The following MID1 variants were observed in gnomAD, a reference collection of about 807,000 sequenced individuals.
MID1 encodes the protein E3 ubiquitin-protein ligase Midline-1.
A neutral mutation model predicts 40.4 loss-of-function variants in MID1; 7 were observed. That is an observed-to-expected ratio of 0.17 (90% CI 0.10 to 0.33). The LOEUF (loss-of-function observed/expected upper bound fraction) is 0.33, where lower values mean the gene tolerates loss of function less well. Among genes scored for constraint, MID1 ranks in the 10% least tolerant of loss-of-function variants. MID1 has a pLI of 1.00. For synonymous variants in MID1, 229 were observed against 221.2 expected (o/e 1.04, Z -0.31); for missense variants, 367 against 558.5 (o/e 0.66, Z 3.46).
intron 3 of MID1, among the ~76,000 whole-genome samples, chrX:10,496,540 G>A (rs1288608258): frequency 2.7e-5 from 3 of 112,581 alleles, no homozygotes; most frequent in Non-Finnish European, 5.6e-5. Context: ...GGAGATAGCA[G>A]GCATGAGGTT....
intron 1 of MID1, among the ~76,000 whole-genome samples, chrX:10,669,255 A>T (rs1364186074): frequency 2.8e-5 from 3 of 105,265 alleles, no homozygotes; most frequent in African/African-American, 1.1e-4. Flanking sequence ...AAAAAAAAAA[A>T]AGAAATCTAG....
rs201973094 is a variant in MID1, at chrX:10,739,624, C to T, written c.-187+93930G>A. On this transcript the variant is annotated intron_variant, in intron 1 of 10. Coordinates refer to the MID1 transcript ENST00000380785. Reference sequence around the variant, plus strand: ...TATCTGGGCTTTGGAATGATTCAATCATCTCTTGGTGAAGTGCCAATGGGT... The same window carrying T: ...TATCTGGGCTTTGGAATGATTCAATTATCTCTTGGTGAAGTGCCAATGGGT... Among the ~76,000 whole-genome samples the T allele has an allele frequency of 7.1e-5, 8 of 111,973 alleles. No homozygotes were observed. In the East Asian group the frequency reaches 2.2e-3, roughly 31 times the overall value.
intron 1 of MID1, among the ~76,000 whole-genome samples, chrX:10,825,936 T>C (rs970239672): frequency 1.8e-5 from 2 of 111,723 alleles, no homozygotes; most frequent in African/African-American, 6.5e-5. Context: ...GTAGACCTCA[T>C]TTGATTGTTC....
chrX:10,489,106 T>C (rs745601339), intron 4 of MID1, among the ~76,000 whole-genome samples: 5 of 112,040 alleles, frequency 4.5e-5, no homozygotes, highest in African/African-American at 1.3e-4. Context: ...ATTAATGAGT[T>C]TTGAGAATTT....
At chrX:10,645,212 G>T (rs1004270708) in intron 1 of MID1, among the ~76,000 whole-genome samples, 4 of 111,817 alleles carry the variant, frequency 3.6e-5, no homozygotes, top group Non-Finnish European at 7.5e-5. Flanking sequence ...AGTGTTAAAA[G>T]AAAAACTTTA....
chrX:10,775,825 AT>A (rs1180838924), intron 1 of MID1, among the ~76,000 whole-genome samples: 1 of 111,574 alleles, frequency 9.0e-6, no homozygotes, highest in Non-Finnish European at 1.9e-5. Flanking sequence ...GGACAAAGGC[AT>A]TTCTTTTGCT....
Position 10,537,727 on chromosome X carries a change from C to T in MID1, c.661-14540G>A, listed in dbSNP as rs1933314093. Among the ~76,000 whole-genome samples, 3 of 112,226 alleles carry T rather than the reference C, an allele frequency of 2.7e-5. No homozygotes were observed. In the South Asian group the frequency reaches 1.1e-3, roughly 42 times the overall value. On this transcript the variant is annotated intron_variant, in intron 2 of 9. Transcript: ENST00000317552. The stretch of plus-strand genomic sequence containing the variant: ...TTCTATCCAAACAATTATAATAAAA[C>T]AGTGGCTTCATATGTACATATTCCA...
intron 1 of MID1, among the ~76,000 whole-genome samples, chrX:10,821,811 C>T (rs2147159660): frequency 9.0e-6 from 1 of 111,621 alleles, no homozygotes; most frequent in African/African-American, 3.3e-5. Context: ...TTCTTCCTTT[C>T]TCTCTCTTTC....
chrX:10,506,398 C>T, intron 3 of MID1: 2 of 1,047,222 alleles, frequency 1.9e-6, no homozygotes, highest in Middle Eastern at 2.5e-4. Context: ...ACTACGAAGC[C>T]AGTAAAGTGT....
At chrX:10,453,821 G>A (rs150355330) in intron 9 of MID1, among the ~76,000 whole-genome samples, 177 of 112,003 alleles carry the variant, frequency 1.6e-3, no homozygotes, top group African/African-American at 5.4e-3. Flanking sequence ...TACTGACTCT[G>A]CCACCTGTGA....
At chrX:10,781,228 T>C (rs1274607646) in intron 1 of MID1, among the ~76,000 whole-genome samples, 1 of 112,180 alleles carries the variant, frequency 8.9e-6, no homozygotes, top group Non-Finnish European at 1.9e-5. Flanking sequence ...TGAATGCACT[T>C]TCCACTTTTA....
chrX:10,467,069 A>G (rs1929424990), intron 7 of MID1, among the ~76,000 whole-genome samples: 1 of 111,568 alleles, frequency 9.0e-6, no homozygotes, highest in African/African-American at 3.3e-5. Context: ...CAAAGATTGG[A>G]AACAAGCTAA....
At chrX:10,816,727 A>G (rs970933413) in intron 1 of MID1, among the ~76,000 whole-genome samples, 1 of 112,431 alleles carries the variant, frequency 8.9e-6, no homozygotes, top group Non-Finnish European at 1.9e-5. Context: ...CATTATTTCC[A>G]TGTACATGTG....
chrX:10,828,105 G>A (rs1055319473), intron 1 of MID1, among the ~76,000 whole-genome samples: 7 of 111,738 alleles, frequency 6.3e-5, no homozygotes, highest in Admixed American at 3.8e-4. Flanking sequence ...CTTTCTTAGC[G>A]TTGAATCTTA....
intron 2 of MID1, among the ~76,000 whole-genome samples, chrX:10,529,748 C>T (rs1489695391): frequency 9.0e-6 from 1 of 111,570 alleles, no homozygotes; most frequent in Non-Finnish European, 1.9e-5. Flanking sequence ...ATTCTACCAG[C>T]AAAAAGAGAG....
intron 2 of MID1, among the ~76,000 whole-genome samples, chrX:10,566,285 A>G (rs923914183): frequency 9.0e-6 from 1 of 111,474 alleles, no homozygotes; most frequent in African/African-American, 3.3e-5. Context: ...TTGTCAGAGC[A>G]CTGAATTTCA....
chrX:10,812,846 G>C (rs889086674), intron 1 of MID1, among the ~76,000 whole-genome samples: 9 of 111,156 alleles, frequency 8.1e-5, no homozygotes. Context: ...TGGATTGAAC[G>C]TTCATCTATG....
intron 1 of MID1, among the ~76,000 whole-genome samples, chrX:10,728,196 C>T (rs1321262024): frequency 9.0e-6 from 1 of 110,787 alleles, no homozygotes; most frequent in African/African-American, 3.3e-5. Context: ...CTTTTCCCCC[C>T]CCAGGAAAAA....
chrX:10,720,214 A>C (rs1602536388), intron 1 of MID1, among the ~76,000 whole-genome samples: 2 of 111,971 alleles, frequency 1.8e-5, no homozygotes, highest in East Asian at 2.8e-4. Flanking sequence ...CAATTAAACT[A>C]AAGAGCTTCT....
Sources: gnomAD v4.1 joint callset for allele counts (sites outside exome capture counted in the v4.1 genomes callset) on GRCh38, gnomAD v4.1.1 for gene constraint, MANE v1.5 for transcripts, NCBI Gene and HGNC (gene_info 2026-07-23, HGNC 2026-07-21) for gene names.